CDC42SE2: variants seen among roughly 807,000 people sequenced by gnomAD.
The protein encoded by CDC42SE2 is CDC42 small effector 2, also known as CDC42 small effector protein 2.
CDC42SE2 carries 3 observed loss-of-function variants against 11.5 expected under a neutral mutation model. That is an observed-to-expected ratio of 0.26 (90% CI 0.12 to 0.67). The LOEUF (loss-of-function observed/expected upper bound fraction) is 0.67, where lower values mean the gene tolerates loss of function less well. Among genes scored for constraint, CDC42SE2 ranks in the 30% least tolerant of loss-of-function variants. CDC42SE2 has a pLI of 0.80. For missense variants in CDC42SE2, 82 were observed against 106.8 expected (o/e 0.77, Z 1.02); for synonymous variants, 33 against 34.8 (o/e 0.95, Z 0.18).
At chr5:131,357,578 G>T (rs751344407) in intron 2 of CDC42SE2, among the ~76,000 whole-genome samples, 27 of 152,170 alleles carry the variant, frequency 1.8e-4, no homozygotes, top group Non-Finnish European at 1.5e-4. Flanking sequence ...GCTTATAAAT[G>T]TGTGAGGTCT....
chr5:131,377,174 ATTT>A (rs35859756), intron 3 of CDC42SE2, among the ~76,000 whole-genome samples: 3 of 139,060 alleles, frequency 2.2e-5, no homozygotes, highest in Non-Finnish European at 1.6e-5. Context: ...ACTATATGTA[ATTT>A]TTTTTTTTTT....
intron 2 of CDC42SE2, among the ~76,000 whole-genome samples, chr5:131,318,931 T>G (rs1194302128): frequency 6.6e-6 from 1 of 152,182 alleles, no homozygotes; most frequent in African/African-American, 2.4e-5. Flanking sequence ...AGACAGAGTC[T>G]CACTCTGTTG....
chr5:131,309,201 A>T (rs896280617), intron 1 of CDC42SE2, among the ~76,000 whole-genome samples: 3 of 152,144 alleles, frequency 2.0e-5, no homozygotes, highest in Non-Finnish European at 4.4e-5. Flanking sequence ...CTATTGAGAT[A>T]ATCATGTGGT....
intron 1 of CDC42SE2, among the ~76,000 whole-genome samples, chr5:131,307,070 TTTA>T (rs1306748368): frequency 6.6e-6 from 1 of 151,910 alleles, no homozygotes. Context: ...TTTTAATTTT[TTTA>T]TTATTATTAT....
chr5:131,250,832 G>C (rs1756633185), intron 1 of CDC42SE2, among the ~76,000 whole-genome samples: 1 of 152,106 alleles, frequency 6.6e-6, no homozygotes, highest in Admixed American at 6.6e-5. Context: ...TTGAGCTCAG[G>C]AGTTAGAGCC....
chr5:131,380,022 G>C (rs1750272339), intron 3 of CDC42SE2, among the ~76,000 whole-genome samples: 1 of 151,640 alleles, frequency 6.6e-6, no homozygotes, highest in South Asian at 2.1e-4. Flanking sequence ...CCCACCCCAG[G>C]TTCAAGTGAT....
intron 3 of CDC42SE2, among the ~76,000 whole-genome samples, chr5:131,374,358 G>T (rs913589387): frequency 2.0e-5 from 3 of 151,888 alleles, no homozygotes; most frequent in African/African-American, 7.3e-5. Context: ...TGGCCAAGAC[G>T]GTGAAACCCC....
At chr5:131,386,149 G>A (rs185296636) in intron 4 of CDC42SE2, among the ~76,000 whole-genome samples, 2 of 152,334 alleles carry the variant, frequency 1.3e-5, no homozygotes, top group Non-Finnish European at 2.9e-5. Context: ...GTTTTGGGAT[G>A]AAACTGTTCT....
intron 3 of CDC42SE2, among the ~76,000 whole-genome samples, chr5:131,377,545 C>T (rs1750193288): frequency 6.6e-6 from 1 of 152,174 alleles, no homozygotes; most frequent in Non-Finnish European, 1.5e-5. Context: ...CCATCAATAT[C>T]ACTTGGAATC....
At chr5:131,243,521 G>C (rs1383694276), upstream of CDC42SE2, among the ~76,000 whole-genome samples, 1 of 152,196 alleles carries the variant, frequency 6.6e-6, no homozygotes, top group Non-Finnish European at 1.5e-5. Flanking sequence ...GGAAGGTGGA[G>C]GTTGCTGTGA....
rs555346021 is a variant in CDC42SE2, at chr5:131,275,088, A to G, written c.-455+10922A>G. Among the ~76,000 whole-genome samples, 3 of 152,316 alleles carry G rather than the reference A, an allele frequency of 2.0e-5. No individual in the cohort carries two copies. The South Asian group carries it at 6.2e-4, about 32-fold the overall frequency. ...TGTATGTAAAGTGAAAATACACAGTAAAATGGTAAGGGACAGAGGAGGTAG... is the reference window on the plus strand; with the variant it reads ...TGTATGTAAAGTGAAAATACACAGTGAAATGGTAAGGGACAGAGGAGGTAG... On this transcript the variant is annotated intron_variant, in intron 1 of 4. Transcript: ENST00000505065.
chr5:131,388,128 G>T (rs1750543084), intron 4 of CDC42SE2, among the ~76,000 whole-genome samples: 1 of 152,100 alleles, frequency 6.6e-6, no homozygotes, highest in Non-Finnish European at 1.5e-5. Context: ...CTGAGTAACT[G>T]GGATTACAGG....
the CDC42SE2 span, among the ~76,000 whole-genome samples, chr5:131,228,633 T>C: frequency 6.6e-6 from 1 of 152,318 alleles, no homozygotes; most frequent in Non-Finnish European, 1.5e-5. Context: ...TCTTTTAGGG[T>C]GTATATCCTC....
chr5:131,284,435 A>AC (rs1191841444), intron 1 of CDC42SE2, among the ~76,000 whole-genome samples: 1 of 152,208 alleles, frequency 6.6e-6, no homozygotes, highest in Non-Finnish European at 1.5e-5. Context: ...TTGTACGTGT[A>AC]CAACTGTTCA....
chr5:131,303,967 C>CT (rs565046039), intron 1 of CDC42SE2, among the ~76,000 whole-genome samples: 4,756 of 142,714 alleles, frequency 0.033, 178 homozygotes, highest in African/African-American at 0.096. Flanking sequence ...AAATAATTTT[C>CT]TTTTTTTTTT....
intron 1 of CDC42SE2, 40 bp from the exon 2 acceptor site, chr5:131,315,936 T>G (rs560476239): frequency 6.6e-6 from 1 of 152,462 alleles, no homozygotes; most frequent in Non-Finnish European, 1.5e-5. Flanking sequence ...AATTGCTCTC[T>G]GTAGCTTTTT....
At chr5:131,375,578 C>G (rs892356265) in intron 3 of CDC42SE2, among the ~76,000 whole-genome samples, 16 of 152,314 alleles carry the variant, frequency 1.1e-4, no homozygotes, top group African/African-American at 3.8e-4. Context: ...AGGGCCACTG[C>G]TGGCATTCCA....
At chr5:131,224,458 T>A in the CDC42SE2 span, among the ~76,000 whole-genome samples, 1 of 151,880 alleles carries the variant, frequency 6.6e-6, no homozygotes, top group African/African-American at 2.4e-5. Context: ...ACATCTCACA[T>A]CCAGTCTGTC....
At chr5:131,318,381 T>C (rs1346511278) in intron 2 of CDC42SE2, among the ~76,000 whole-genome samples, 3 of 152,206 alleles carry the variant, frequency 2.0e-5, no homozygotes, top group Non-Finnish European at 4.4e-5. Context: ...TCATATATAT[T>C]TTGTAGGAAT....
Sources: allele counts gnomAD v4.1 joint callset (sites outside exome capture counted in the v4.1 genomes callset), GRCh38; gene constraint gnomAD v4.1.1; transcripts MANE v1.5; gene names NCBI Gene and HGNC (gene_info 2026-07-23, HGNC 2026-07-21).